ZDHHC3: variants seen among roughly 807,000 people sequenced by gnomAD.
ZDHHC3 encodes palmitoyltransferase ZDHHC3.
Under a neutral mutation model 30.6 loss-of-function variants are expected in ZDHHC3, and 9 were observed. The observed-to-expected ratio is 0.29, with a 90% confidence interval of 0.18 to 0.51. The LOEUF (loss-of-function observed/expected upper bound fraction) is 0.51, where lower values mean the gene tolerates loss of function less well. ZDHHC3 is among the 20% of genes least tolerant of loss of function. The pLI is 0.97. For synonymous variants in ZDHHC3, 136 were observed against 140.2 expected (o/e 0.97, Z 0.21); for missense variants, 246 against 384.2 (o/e 0.64, Z 3.01).
At chr3:44,931,770 A>C (rs1050738557) in intron 5 of ZDHHC3, among the ~76,000 whole-genome samples, 3 of 152,200 alleles carry the variant, frequency 2.0e-5, no homozygotes, top group African/African-American at 7.2e-5. Context: ...CTCCAGACCT[A>C]GGCTTGAACT....
At chr3:44,933,825 T>G (rs1199165830) in intron 4 of ZDHHC3, 63 bp downstream of exon 4, 34 of 1,459,718 alleles carry the variant, frequency 2.3e-5, no homozygotes, top group Middle Eastern at 1.7e-4. Flanking sequence ...CTGAGAATTT[T>G]CAAAGGAACA....
Position 44,924,308 on chromosome 3 carries a change from C to A in ZDHHC3, c.*2381G>T. On this transcript the variant is annotated 3_prime_UTR_variant, in exon 7 of 7. Transcript: ENST00000424952. ...ATCACTACCCTGCAAATGATGGCTACATTCCTCAGTCATTGTGCTCTTGGC... is the reference window on the plus strand; with the variant it reads ...ATCACTACCCTGCAAATGATGGCTAAATTCCTCAGTCATTGTGCTCTTGGC... 2 of 985,448 alleles carry A rather than the reference C, an allele frequency of 2.0e-6. No individual in the cohort carries two copies. Among genetic ancestry groups the A allele is most frequent in the Non-Finnish European group, 2.4e-6 (2 of 829,934 alleles). 61.0% of individuals were successfully genotyped at this position (985,448 alleles called of 1,614,324 possible).
At position 44,961,098 on chromosome 3, in the gene ZDHHC3, G is replaced by A. The variant is rs72863194; in HGVS notation, c.-24-1638C>T. Among the ~76,000 whole-genome samples, 416 of 152,320 alleles carry A rather than the reference G, an allele frequency of 2.7e-3. 1 individual carries two copies. Among genetic ancestry groups the A allele is most frequent in the African/African-American group, 9.5e-3 (397 of 41,578 alleles). On this transcript the variant is annotated intron_variant, in intron 1 of 6. Coordinates refer to ENST00000424952, the MANE Select transcript of ZDHHC3 (RefSeq NM_001135179.2). The stretch of plus-strand genomic sequence containing the variant: ...CAAGAAGTCATGACACATAGAGATA[G>A]AATAACCATCTCGGCCGGGCGCAGT...
intron 3 of ZDHHC3, chr3:44,937,778 C>A: frequency 2.8e-6 from 1 of 358,314 alleles, no homozygotes; most frequent in African/African-American, 2.1e-5. Flanking sequence ...GCACCCGCCG[C>A]ATGGGTCTGT....
rs763631523 is a variant in ZDHHC3 at position 44,933,173 on chromosome 3, G to A, written c.555C>T (p.His185=). The A allele has an allele frequency of 1.4e-5, 23 of 1,614,012 alleles. No individual in the cohort carries two copies. The highest frequency in any genetic ancestry group is 5.0e-5 in the Admixed American group (3 of 59,992). The change falls in exon 5 of 7, where the codon CAC becomes CAT. Residue 185 remains histidine, a synonymous_variant. Transcript: ENST00000424952. ...AGTGGAATCCCACCATGATGAGGGC[G>A]TGCAAGGAAATGAGAGCTATGTACA... ...FTMYIALISL[H]ALIMVGFHFL... is the part of the protein sequence containing the mutation.
chr3:44,974,005 T>C (rs1705645108), intron 1 of ZDHHC3, among the ~76,000 whole-genome samples: 1 of 152,170 alleles, frequency 6.6e-6, no homozygotes, highest in Admixed American at 6.5e-5. Context: ...TTCAATACAC[T>C]AAAAAAGAAC....
chr3:44,933,830 G>A (rs376024584), intron 4 of ZDHHC3, 58 bp downstream of exon 4: 3 of 1,489,938 alleles, frequency 2.0e-6, no homozygotes, highest in Non-Finnish European at 2.8e-6. Flanking sequence ...AATTTTCAAA[G>A]GAACAAAGTG....
intron 2 of ZDHHC3, among the ~76,000 whole-genome samples, chr3:44,956,791 G>C (rs1703994256): frequency 6.6e-6 from 1 of 152,014 alleles, no homozygotes; most frequent in African/African-American, 2.4e-5. Flanking sequence ...GTAACACCTT[G>C]AACCTCCATT....
chr3:44,958,852 G>A (rs1704197542), intron 2 of ZDHHC3, among the ~76,000 whole-genome samples: 1 of 152,148 alleles, frequency 6.6e-6, no homozygotes. Flanking sequence ...GTTTCCCCCA[G>A]ACCAAACCCC....
At chr3:44,936,045 A>T (rs946232534) in intron 3 of ZDHHC3, among the ~76,000 whole-genome samples, 1 of 152,266 alleles carries the variant, frequency 6.6e-6, no homozygotes, top group African/African-American at 2.4e-5. Flanking sequence ...CTGCATAGCA[A>T]CAGAAACTAT....
rs946225350 is a variant in ZDHHC3, at chr3:44,924,410, T to C, written c.*2279A>G. On this transcript the variant is annotated 3_prime_UTR_variant, in exon 7 of 7. Coordinates refer to ENST00000424952, the MANE Select transcript of ZDHHC3 (RefSeq NM_001135179.2). ...GGTATTCCTATCTTCTGAGAGCAAC[T>C]GGTTTGAGAGCTCAGAAACATTGAC... 1.0e-6 allele frequency: 1 copy of C among 985,456 alleles called. No homozygotes were observed. The highest frequency in any genetic ancestry group is 1.2e-6 in the Non-Finnish European group (1 of 829,936). 61.0% of individuals were successfully genotyped at this position (985,456 alleles called of 1,614,324 possible). A position where few individuals can be genotyped will look rare whatever the true frequency, so the allele number is the denominator to read the frequency against.
chr3:44,968,545 A>C (rs975212169), intron 1 of ZDHHC3, among the ~76,000 whole-genome samples: 2 of 151,938 alleles, frequency 1.3e-5, no homozygotes, highest in African/African-American at 4.8e-5. Context: ...AATCTTAAAC[A>C]ATTAGCCGAG....
chr3:44,935,238 A>C lies in ZDHHC3; in HGVS notation c.432-1254T>G, dbSNP rs1701849273. 3.3e-5 allele frequency among the ~76,000 whole-genome samples: 5 copies of C among 152,360 alleles called. No homozygotes were observed. In the South Asian group the frequency reaches 1.0e-3, roughly 32 times the overall value. ...CTGAAATAAGACAGCCTGTGACAGC[A>C]GTCATGTCTCACACCCCCCTTCGAG... is the stretch of plus-strand genomic sequence containing the variant. On this transcript the variant is annotated intron_variant, in intron 3 of 6. Transcript: ENST00000424952.
At chr3:44,929,908 C>G (rs1171090561) in intron 5 of ZDHHC3, among the ~76,000 whole-genome samples, 1 of 152,258 alleles carries the variant, frequency 6.6e-6, no homozygotes, top group Non-Finnish European at 1.5e-5. Flanking sequence ...TGTGCCCCAT[C>G]AGCTCACAGG....
chr3:44,949,914 C>T (rs1703288585), intron 2 of ZDHHC3, among the ~76,000 whole-genome samples: 1 of 152,174 alleles, frequency 6.6e-6, no homozygotes, highest in Admixed American at 6.5e-5. Context: ...CAGCTCACTG[C>T]AGCTTTGACC....
chr3:44,944,441 C>T (rs1447934248), intron 3 of ZDHHC3, among the ~76,000 whole-genome samples: 2 of 152,040 alleles, frequency 1.3e-5, no homozygotes, highest in Non-Finnish European at 2.9e-5. Flanking sequence ...CCACTGCGCC[C>T]GGCCTAATTT....
chr3:44,971,112 T>C (rs750057122), intron 1 of ZDHHC3, among the ~76,000 whole-genome samples: 9 of 152,222 alleles, frequency 5.9e-5, no homozygotes, highest in Non-Finnish European at 1.2e-4. Flanking sequence ...CTTCACATAC[T>C]GAAGACTTTA....
rs1383107255 is a variant in ZDHHC3, at chr3:44,918,349, C to G, written c.*8340G>C. The G allele has an allele frequency of 1.0e-6, 1 of 985,214 alleles. No homozygotes were observed. The highest frequency in any genetic ancestry group is 1.2e-6 in the Non-Finnish European group (1 of 829,930). 61.0% of individuals were successfully genotyped at this position (985,214 alleles called of 1,614,324 possible). A position where few individuals can be genotyped will look rare whatever the true frequency, so the allele number is the denominator to read the frequency against. ...AGAGGACTGCTGGGGTGTGGGTGGA[C>G]AGCAGCGTGGAGGAACACAGCAAGC... On this transcript the variant is annotated 3_prime_UTR_variant, in exon 7 of 7. Coordinates refer to ENST00000424952, the MANE Select transcript of ZDHHC3 (RefSeq NM_001135179.2).
chr3:44,944,563 G>GT (rs1702748460), intron 3 of ZDHHC3, among the ~76,000 whole-genome samples: 2 of 152,328 alleles, frequency 1.3e-5, no homozygotes, highest in African/African-American at 4.8e-5. Flanking sequence ...GATTACAGGT[G>GT]TAAGTCACTG....
Sources: allele counts gnomAD v4.1 joint callset (sites outside exome capture counted in the v4.1 genomes callset), GRCh38; gene constraint gnomAD v4.1.1; transcripts MANE v1.5; gene names NCBI Gene and HGNC (gene_info 2026-07-23, HGNC 2026-07-21).